The following ARPIN variants were observed in gnomAD, a reference collection of about 807,000 sequenced individuals.
ARPIN encodes the protein actin related protein 2/3 complex inhibitor, also known as UPF0552 protein C15orf38.
Under a neutral mutation model 25.9 loss-of-function variants are expected in ARPIN, and 23 were observed. That is an observed-to-expected ratio of 0.89 (90% CI 0.64 to 1.26). The LOEUF is 1.26. Ranked by LOEUF, ARPIN falls within the 50% of genes most tolerant of loss-of-function variation. ARPIN has a pLI of 0.00. For missense variants in ARPIN, 333 were observed against 312.2 expected, an observed-to-expected ratio of 1.07 and a Z score of -0.50; for synonymous variants, 126 against 131.4, an observed-to-expected ratio of 0.96 and a Z score of 0.28.
At chr15:89,904,231 G>A (rs888904707) in intron 3 of ARPIN, among the ~76,000 whole-genome samples, 2 of 152,086 alleles carry the variant, frequency 1.3e-5, no homozygotes, top group African/African-American at 2.4e-5. Context: ...TCACCTCTCC[G>A]TACCCGAAAA....
chr15:89,912,872 C>G lies in ARPIN; in HGVS notation c.-37G>C, dbSNP rs1426892077. The G allele has an allele frequency of 1.3e-6, 2 of 1,503,138 alleles. No individual in the cohort carries two copies. Among genetic ancestry groups the G allele is most frequent in the Non-Finnish European group, 8.8e-7 (1 of 1,130,886 alleles). 93.1% of individuals were successfully genotyped at this position (1,503,138 alleles called of 1,614,324 possible). On this transcript the variant is annotated 5_prime_UTR_variant, in exon 1 of 6. Coordinates refer to ENST00000357484, the MANE Select transcript of ARPIN (RefSeq NM_182616.4). ...CCCGGGCACCCCGGCACAGAGCCGGCGCACTGGGCTGGGGGCGCGGCGCGG... is the reference window on the plus strand; with the variant it reads ...CCCGGGCACCCCGGCACAGAGCCGGGGCACTGGGCTGGGGGCGCGGCGCGG...
intron 5 of ARPIN, chr15:89,902,979 G>C (rs1191331299): frequency 7.0e-7 from 1 of 1,427,428 alleles, no homozygotes; most frequent in Non-Finnish European, 9.1e-7. Context: ...CTACCACTTG[G>C]GAATCTTTGG....
At chr15:89,902,637 G>A (rs907531216) in intron 5 of ARPIN, among the ~76,000 whole-genome samples, 2 of 151,614 alleles carry the variant, frequency 1.3e-5, no homozygotes, top group South Asian at 2.1e-4. Flanking sequence ...CCAGGAGTTC[G>A]AGGCTGCAGT....
intron 3 of ARPIN, among the ~76,000 whole-genome samples, chr15:89,907,303 A>G (rs531366876): frequency 6.6e-6 from 1 of 152,120 alleles, no homozygotes; most frequent in African/African-American, 2.4e-5. Flanking sequence ...CCTGACCTCA[A>G]GTGATCCACC....
Position 89,903,388 on chromosome 15 carries a change from A to C in ARPIN, c.509-9T>G, listed in dbSNP as rs1897058989. 1.2e-5 allele frequency: 19 copies of C among 1,614,232 alleles called. 1 individual carries two copies. In the East Asian group the frequency reaches 4.0e-4, roughly 34 times the overall value. On this transcript the variant is annotated splice_polypyrimidine_tract_variant and intron_variant, in intron 4 of 5. Transcript: ENST00000357484. ...AAGTTTGGCCAATGAATCTGAAAGA[A>C]GAGATGAAATTGAATGTCCTCTGTC...
rs1253940562 is a variant in ARPIN, at chr15:89,907,746, C to T, written c.301+534G>A. Among the ~76,000 whole-genome samples the T allele has an allele frequency of 3.9e-5, 6 of 152,094 alleles. No homozygotes were observed. The East Asian group carries it at 9.6e-4, about 24-fold the overall frequency. ...TGAAGACTATAGTGTGCTATGATTG[C>T]ACCTGAGAATAACCACTACACTCCA... On this transcript the variant is annotated intron_variant, in intron 3 of 5. Coordinates refer to ENST00000357484, the MANE Select transcript of ARPIN (RefSeq NM_182616.4).
At position 89,908,443 on chromosome 15, in the gene ARPIN, C is replaced by T. The variant is rs144152254; in HGVS notation, c.169-31G>A. 52 of 1,611,520 alleles carry T rather than the reference C, an allele frequency of 3.2e-5. No homozygotes were observed. The Admixed American group carries it at 7.2e-4, about 22-fold the overall frequency. ...GCCAGGCAGACAGAGAGTGAGGGGG[C>T]GGCTTCATCCCACAACACACACACT... is the stretch of plus-strand genomic sequence containing the variant. On this transcript the variant is annotated intron_variant, in intron 2 of 5. Coordinates refer to ENST00000357484, the MANE Select transcript of ARPIN (RefSeq NM_182616.4).
chr15:89,912,708 G>A, intron 1 of ARPIN, 36 bp downstream of exon 1: 2 of 1,323,686 alleles, frequency 1.5e-6, no homozygotes, highest in Non-Finnish European at 1.9e-6. Flanking sequence ...AGCCGGGGCA[G>A]GGGAGGCCGA....
At chr15:89,909,087 A>C (rs1322686487) in intron 2 of ARPIN, among the ~76,000 whole-genome samples, 1 of 152,172 alleles carries the variant, frequency 6.6e-6, no homozygotes, top group Non-Finnish European at 1.5e-5. Flanking sequence ...AAGGGCACTG[A>C]AAAGGAGCCC....
intron 1 of ARPIN, 119 bp downstream of exon 1, chr15:89,912,625 G>A (rs527449078): frequency 7.4e-7 from 1 of 1,352,250 alleles, no homozygotes; most frequent in Non-Finnish European, 9.4e-7. Flanking sequence ...TGAAGGCGGA[G>A]AGGCGGCTTT....
intron 1 of ARPIN, among the ~76,000 whole-genome samples, chr15:89,911,557 A>T (rs931826879): frequency 1.3e-5 from 2 of 152,102 alleles, no homozygotes; most frequent in African/African-American, 4.8e-5. Flanking sequence ...TGAAAACTCT[A>T]CCTAGCTGGT....
At chr15:89,912,663 T>TTGGGGGGGCCCC in intron 1 of ARPIN, 81 bp downstream of exon 1, 1 of 871,112 alleles carries the variant, frequency 1.1e-6, no homozygotes, top group Non-Finnish European at 1.4e-6. Flanking sequence ...CCCACCCGCA[T>TTGGGGGGGCCCC]CCCACCCCCC....
intron 4 of ARPIN, 36 bp from the exon 5 acceptor site, chr15:89,903,415 C>T (rs2141919568): frequency 6.2e-7 from 1 of 1,612,706 alleles, no homozygotes; most frequent in Non-Finnish European, 8.5e-7. Flanking sequence ...TCCTCTGTCC[C>T]TGTGGCAGAA....
rs1021835964 is a variant in ARPIN at position 89,900,914 on chromosome 15, G to A, written c.*881C>T. 6.6e-6 allele frequency: 1 copy of A among 152,168 alleles called. No homozygotes were observed. The highest frequency in any genetic ancestry group is 1.5e-5 in the Non-Finnish European group (1 of 68,042). The allele number at this position is 152,168 out of a possible 1,614,324, so 9.4% of individuals were successfully genotyped here. On this transcript the variant is annotated 3_prime_UTR_variant, in exon 6 of 6. Coordinates refer to ENST00000357484, the MANE Select transcript of ARPIN (RefSeq NM_182616.4). ...TACTCATTCATAAAAAGTTCTCCAGGTACAAAACAACAACAAAAAAGGTAT... is the reference window on the plus strand; with the variant it reads ...TACTCATTCATAAAAAGTTCTCCAGATACAAAACAACAACAAAAAAGGTAT...
At chr15:89,912,168 A>T in intron 1 of ARPIN, 3 of 976,990 alleles carry the variant, frequency 3.1e-6, no homozygotes, top group Non-Finnish European at 3.6e-6. Context: ...TCCATATACG[A>T]GATCACACAG....
rs1436256723 is a variant in ARPIN, at chr15:89,912,812, G to C, written c.24C>G (p.Gly8=). Residue 8 remains glycine, a synonymous_variant, in exon 1 of 6, where the codon GGC becomes GGG. Transcript: ENST00000357484. ...TCTGCACCGCCTTGTTCCGGAGCGC[G>C]CCGTCGTGGTAGATGCGGCTCATTC... MSRIYHD[G]ALRNKAVQSV... 2.0e-6 allele frequency: 3 copies of C among 1,525,146 alleles called. No homozygotes were observed. The highest frequency in any genetic ancestry group is 2.6e-6 in the Non-Finnish European group (3 of 1,140,406). 94.5% of individuals were successfully genotyped at this position (1,525,146 alleles called of 1,614,324 possible).
chr15:89,901,789 C>A lies in ARPIN; in HGVS notation c.*6G>T. ...GTGCTGGTGCCCCCAGAGGCAGCCA[C>A]GTCCCTCAGTCATCCTAGAGAAATC... On this transcript the variant is annotated 3_prime_UTR_variant, in exon 6 of 6. Coordinates refer to ENST00000357484, the MANE Select transcript of ARPIN (RefSeq NM_182616.4). The A allele has an allele frequency of 1.9e-6, 3 of 1,613,994 alleles. No individual in the cohort carries two copies. Among genetic ancestry groups the A allele is most frequent in the Non-Finnish European group, 2.5e-6 (3 of 1,179,872 alleles).
intron 3 of ARPIN, among the ~76,000 whole-genome samples, chr15:89,906,645 T>C (rs182001214): frequency 8.3e-4 from 126 of 152,240 alleles, no homozygotes; most frequent in Admixed American, 1.0e-3. Context: ...GCACATGATA[T>C]AGATGGTCCC....
Position 89,896,661 on chromosome 15 carries a change from T to C in ARPIN, c.*5134A>G, listed in dbSNP as rs1896935744. 6.6e-6 allele frequency: 1 copy of C among 152,126 alleles called. No individual in the cohort carries two copies. The highest frequency in any genetic ancestry group is 2.4e-5 in the African/African-American group (1 of 41,424). 9.4% of individuals were successfully genotyped at this position (152,126 alleles called of 1,614,324 possible). A position where few individuals can be genotyped will look rare whatever the true frequency, so the allele number is the denominator to read the frequency against. ...TGTTAAAATATGGCAAATGGTTATA[T>C]TTAAAATGCAAATAACTGATAAACT... On this transcript the variant is annotated 3_prime_UTR_variant, in exon 6 of 6. Transcript: ENST00000357484.
Sources: allele counts gnomAD v4.1 joint callset (sites outside exome capture counted in the v4.1 genomes callset), GRCh38; gene constraint gnomAD v4.1.1; transcripts MANE v1.5; gene names NCBI Gene and HGNC (gene_info 2026-07-23, HGNC 2026-07-21).